Variants in CUBN observed in about 807,000 individuals in gnomAD.
CUBN encodes the protein cubilin.
CUBN carries 282 observed loss-of-function variants against 405.3 expected under a neutral mutation model. The ratio of observed to expected loss-of-function variants is 0.70; its 90% confidence interval spans 0.63 to 0.77. The LOEUF (loss-of-function observed/expected upper bound fraction) is 0.77. Among genes scored for constraint, CUBN ranks in the 30% least tolerant of loss-of-function variants. The pLI, the probability that CUBN is intolerant of heterozygous loss-of-function variation, is 0.00. For missense variants in CUBN, 4,514 were observed against 4,475.2 expected (o/e 1.01, Z -0.25); for synonymous variants, 1,684 against 1,617.0 (o/e 1.04, Z -0.99).
rs551007177 is a variant in CUBN, at chr10:16,881,289, C to G, written c.8906-4192G>C. Among the ~76,000 whole-genome samples the G allele has an allele frequency of 5.3e-4, 80 of 152,262 alleles. 1 individual carries two copies. Among genetic ancestry groups the G allele is most frequent in the African/African-American group, 1.8e-3 (76 of 41,546 alleles). Reference sequence around the variant, plus strand: ...TGTGGGCTAATGATATAAATGATCACAGTGGCAGTTGTCTTAGAAAACAGT... The same window carrying G: ...TGTGGGCTAATGATATAAATGATCAGAGTGGCAGTTGTCTTAGAAAACAGT... On this transcript the variant is annotated intron_variant, in intron 56 of 66. Transcript: ENST00000377833.
chr10:16,874,162 T>C (rs1388444269), intron 58 of CUBN, among the ~76,000 whole-genome samples: 1 of 152,124 alleles, frequency 6.6e-6, no homozygotes, highest in Non-Finnish European at 1.5e-5. Context: ...AACTGGTGAG[T>C]GCTTGTTTTT....
At chr10:16,858,081 AT>A (rs1839911559) in intron 59 of CUBN, among the ~76,000 whole-genome samples, 1 of 152,266 alleles carries the variant, frequency 6.6e-6, no homozygotes, top group Admixed American at 6.5e-5. Context: ...AAAATGAAAT[AT>A]TTAGGTATAT....
At chr10:16,991,706 C>T (rs1039964261) in intron 28 of CUBN, among the ~76,000 whole-genome samples, 2 of 146,430 alleles carry the variant, frequency 1.4e-5, no homozygotes, top group South Asian at 4.3e-4. Flanking sequence ...TTCATCAAGG[C>T]TTTTTATGTG....
At chr10:16,855,073 C>T (rs1839833770) in intron 59 of CUBN, among the ~76,000 whole-genome samples, 1 of 106,954 alleles carries the variant, frequency 9.3e-6, no homozygotes, top group African/African-American at 3.6e-5. Flanking sequence ...CTCTCTCCTC[C>T]CCTCCCCTCC....
chr10:17,112,945 AC>A (rs1350203928), intron 8 of CUBN, among the ~76,000 whole-genome samples: 36 of 152,296 alleles, frequency 2.4e-4, no homozygotes, highest in African/African-American at 7.9e-4. Context: ...AATTGCTTAT[AC>A]AATGCCTTAA....
Position 16,982,543 on chromosome 10 carries a change from G to C in CUBN, c.4636C>G (p.His1546Asp). ...CSWVIRVDRN[H>D]RVLLNFTDFD... The stretch of plus-strand genomic sequence containing the variant: ...TCAGTGAAGTTCAAGAGAACACGAT[G>C]ATTTCTGTCAACCCGAATGACCCAA... Residue 1546 changes from histidine (H) to aspartate (D), a missense_variant, in exon 31 of 67, where the codon CAT (histidine) becomes GAT (aspartate). Coordinates refer to ENST00000377833, the MANE Select transcript of CUBN (RefSeq NM_001081.4). The C allele has an allele frequency of 6.2e-7, 1 of 1,613,812 alleles. No homozygotes were observed. The highest frequency in any genetic ancestry group is 8.5e-7 in the Non-Finnish European group (1 of 1,179,760).
Position 16,840,983 on chromosome 10 carries a change from G to T in CUBN, c.9728C>A (p.Ala3243Asp). ...AGTFCGSTVPAPFISSGNFLT... is the reference protein window; with the variant it reads ...AGTFCGSTVPDPFISSGNFLT... ...GAAGTTACCAGAAGAGATAAAAGGA[G>T]CAGGTACTGTGGAACCACAAAACGT... Residue 3243 changes from alanine to aspartate, a missense_variant, in exon 61 of 67, where the codon GCT becomes GAT. Around this residue, in one of 5 missense-constraint regions of CUBN, gnomAD observed 1,186 missense variants for 1,186.9 expected, o/e 1.00. Transcript: ENST00000377833. The T allele has an allele frequency of 6.2e-7, 1 of 1,614,000 alleles. No homozygotes were observed. Among genetic ancestry groups the T allele is most frequent in the African/African-American group, 1.3e-5 (1 of 75,054 alleles).
chr10:16,982,580 G>C lies in CUBN; in HGVS notation c.4599C>G (p.Asn1533Lys). The C allele has an allele frequency of 6.2e-7, 1 of 1,613,754 alleles. No individual in the cohort carries two copies. Among genetic ancestry groups the C allele is most frequent in the Non-Finnish European group, 8.5e-7 (1 of 1,179,638 alleles). ...SPNYPSPYRS[N>K]TDCSWVIRVD... ...CCCGAATGACCCAAGAACAGTCTGTGTTGCTCCTATAAGGACTGGGGTAAT... is the reference window on the plus strand; with the variant it reads ...CCCGAATGACCCAAGAACAGTCTGTCTTGCTCCTATAAGGACTGGGGTAAT... Residue 1533 changes from asparagine (N) to lysine (K), a missense_variant, in exon 31 of 67, where the codon AAC becomes AAG. Asn to Lys is a moderately conservative substitution (Grantham distance 94). Coordinates refer to ENST00000377833, the MANE Select transcript of CUBN (RefSeq NM_001081.4).
chr10:16,866,483 G>T (rs1840187440), intron 59 of CUBN, among the ~76,000 whole-genome samples: 1 of 152,180 alleles, frequency 6.6e-6, no homozygotes, highest in African/African-American at 2.4e-5. Flanking sequence ...CAGGACAGAA[G>T]GTACTTAAAA....
At chr10:16,961,482 A>G (rs954152465) in intron 31 of CUBN, among the ~76,000 whole-genome samples, 1 of 152,218 alleles carries the variant, frequency 6.6e-6, no homozygotes, top group African/African-American at 2.4e-5. Flanking sequence ...GAGGAAAACC[A>G]TTCAAGTGTG....
At chr10:17,090,693 T>C (rs557495400) in intron 14 of CUBN, among the ~76,000 whole-genome samples, 5 of 152,146 alleles carry the variant, frequency 3.3e-5, no homozygotes, top group Non-Finnish European at 1.5e-5. Flanking sequence ...TTTCCAGTTA[T>C]CATACCATTA....
At chr10:16,908,719 A>T (rs1195394774) in intron 48 of CUBN, among the ~76,000 whole-genome samples, 3 of 152,214 alleles carry the variant, frequency 2.0e-5, no homozygotes, top group African/African-American at 7.2e-5. Flanking sequence ...AAAAATCTAG[A>T]TGAAATAACT....
intron 6 of CUBN, among the ~76,000 whole-genome samples, chr10:17,116,479 G>A (rs1836902800): frequency 1.3e-5 from 2 of 152,288 alleles, no homozygotes; most frequent in East Asian, 1.9e-4. Flanking sequence ...CCGGACTTGA[G>A]CAGAATTGGC....
chr10:16,844,151 C>T (rs1205969772), intron 60 of CUBN, among the ~76,000 whole-genome samples: 1 of 152,022 alleles, frequency 6.6e-6, no homozygotes, highest in African/African-American at 2.4e-5. Flanking sequence ...GGCCTGTAAT[C>T]CCAGCTACTT....
intron 31 of CUBN, among the ~76,000 whole-genome samples, chr10:16,971,008 C>T (rs1280375907): frequency 6.6e-6 from 1 of 152,068 alleles, no homozygotes; most frequent in Non-Finnish European, 1.5e-5. Context: ...CTTCTAACAA[C>T]CCAAATTGTT....
In CUBN at chr10:16,888,693, A is replaced by T. The variant is rs923018388; in HGVS notation, c.8756-127T>A. ...TTCCCTGAGATATTCCAAATGGAAG[A>T]AGCAAGAATGAAGAGAATAAAGCTC... On this transcript the variant is annotated intron_variant, in intron 55 of 66. Transcript: ENST00000377833. The T allele has an allele frequency of 7.4e-6, 6 of 805,574 alleles. 1 individual carries two copies. The highest frequency in any genetic ancestry group is 3.6e-5 in the Admixed American group (2 of 55,370). The allele number at this position is 805,574 out of a possible 1,614,324, so 49.9% of individuals were successfully genotyped here.
At chr10:16,858,956 C>G (rs1839940294) in intron 59 of CUBN, among the ~76,000 whole-genome samples, 1 of 152,132 alleles carries the variant, frequency 6.6e-6, no homozygotes, top group South Asian at 2.1e-4. Flanking sequence ...AATCTCATAT[C>G]TAAACCAAAA....
intron 11 of CUBN, among the ~76,000 whole-genome samples, chr10:17,105,161 T>C (rs1836595574): frequency 6.6e-6 from 1 of 152,186 alleles, no homozygotes; most frequent in South Asian, 2.1e-4. Flanking sequence ...TATTTTCTAG[T>C]AGTCTACTTG....
chr10:16,876,861 A>T, intron 57 of CUBN, 36 bp downstream of exon 57: 1 of 1,574,118 alleles, frequency 6.4e-7, no homozygotes, highest in Admixed American at 1.7e-5. Flanking sequence ...CTCAGAAAAG[A>T]AGAAAATTCC....
Sources: allele counts gnomAD v4.1 joint callset (sites outside exome capture counted in the v4.1 genomes callset), GRCh38; gene constraint gnomAD v4.1.1; regional missense constraint gnomAD v4.1.1; transcripts MANE v1.5; gene names NCBI Gene and HGNC (gene_info 2026-07-23, HGNC 2026-07-21).